Variants in LY86 observed in about 807,000 individuals in gnomAD.
The protein encoded by LY86 is lymphocyte antigen 86, also known as MD-1, RP105-associated.
Under a neutral mutation model 17.3 loss-of-function variants are expected in LY86, and 20 were observed. The observed-to-expected ratio is 1.15, with a 90% CI of 0.81 to 1.68. LY86 has a LOEUF of 1.68. Among genes scored for constraint, LY86 ranks in the 40% most tolerant of loss-of-function variants. LY86 has a pLI of 0.00. For missense variants in LY86, 200 were observed against 191.9 expected, an observed-to-expected ratio of 1.04 and a Z score of -0.25; for synonymous variants, 74 against 70.6, an observed-to-expected ratio of 1.05 and a Z score of -0.24.
intron 1 of LY86, among the ~76,000 whole-genome samples, chr6:6,597,746 TCAG>T (rs1348818136): frequency 1.3e-5 from 2 of 152,228 alleles, no homozygotes; most frequent in African/African-American, 4.8e-5. Flanking sequence ...CTCCCTGCCC[TCAG>T]CAGAAGTGAG....
intron 1 of LY86, among the ~76,000 whole-genome samples, chr6:6,624,194 A>C (rs1022962444): frequency 1.3e-5 from 2 of 152,200 alleles, no homozygotes; most frequent in African/African-American, 4.8e-5. Flanking sequence ...TGTGATGTGG[A>C]GGATGGAAGT....
chr6:6,632,822 C>T (rs1229567627), intron 3 of LY86, among the ~76,000 whole-genome samples: 3 of 152,188 alleles, frequency 2.0e-5, no homozygotes, highest in Non-Finnish European at 4.4e-5. Flanking sequence ...GGGAACCTGA[C>T]ATCTATCAAA....
intron 1 of LY86, among the ~76,000 whole-genome samples, chr6:6,589,991 C>T (rs796387389): frequency 7.9e-5 from 12 of 152,004 alleles, no homozygotes; most frequent in East Asian, 5.8e-4. Context: ...CATGGTGGCA[C>T]GCGCCTGTAA....
At chr6:6,594,891 C>T (rs1248498082) in intron 1 of LY86, among the ~76,000 whole-genome samples, 1 of 152,132 alleles carries the variant, frequency 6.6e-6, no homozygotes, top group East Asian at 1.9e-4. Context: ...AAGTAATATA[C>T]CTGAGCCATG....
At chr6:6,588,892 A>G in intron 1 of LY86, 22 bp downstream of exon 1, 1 of 1,606,220 alleles carries the variant, frequency 6.2e-7, no homozygotes. Flanking sequence ...CAGTACACCC[A>G]TGTGTGTTTA....
At chr6:6,595,211 G>A (rs1760661199) in intron 1 of LY86, among the ~76,000 whole-genome samples, 1 of 150,734 alleles carries the variant, frequency 6.6e-6, no homozygotes, top group South Asian at 2.1e-4. Flanking sequence ...GGAGAAAGAA[G>A]AGGAAGGGGA....
At chr6:6,612,324 G>A (rs1476733544) in intron 1 of LY86, among the ~76,000 whole-genome samples, 4 of 152,188 alleles carry the variant, frequency 2.6e-5, no homozygotes, top group African/African-American at 4.8e-5. Context: ...GCGTGAAACT[G>A]CAGACCCTCG....
intron 1 of LY86, among the ~76,000 whole-genome samples, chr6:6,603,794 C>T (rs1041679958): frequency 6.6e-6 from 1 of 151,680 alleles, no homozygotes; most frequent in Non-Finnish European, 1.5e-5. Context: ...GTTGATCCCT[C>T]CATGAAGCTA....
chr6:6,636,035 G>A lies in LY86; in HGVS notation c.352+9614G>A, dbSNP rs543521612. Among the ~76,000 whole-genome samples, 14 of 152,340 alleles carry A rather than the reference G, an allele frequency of 9.2e-5. No individual in the cohort carries two copies. The South Asian group carries it at 2.9e-3, about 32-fold the overall frequency. On this transcript the variant is annotated intron_variant, in intron 3 of 4. Coordinates refer to ENST00000230568, the MANE Select transcript of LY86 (RefSeq NM_004271.4). ...TGAGCAGGCATCAGCATCACCCGGA[G>A]CCCAGGTTCAACCACAGTTGCTGGA...
intron 1 of LY86, among the ~76,000 whole-genome samples, chr6:6,612,278 T>G (rs1561783246): frequency 6.6e-6 from 1 of 152,228 alleles, no homozygotes; most frequent in Non-Finnish European, 1.5e-5. Flanking sequence ...TGTTCTGAGT[T>G]TCTTTCTCGT....
At chr6:6,603,003 G>A (rs982689067) in intron 1 of LY86, among the ~76,000 whole-genome samples, 5 of 152,126 alleles carry the variant, frequency 3.3e-5, no homozygotes, top group South Asian at 2.1e-4. Context: ...AGTTCTAGAG[G>A]CCAGGGAGTC....
chr6:6,618,666 C>T (rs891368131), intron 1 of LY86, among the ~76,000 whole-genome samples: 21 of 152,216 alleles, frequency 1.4e-4, no homozygotes, highest in African/African-American at 4.1e-4. Context: ...TTGAACACAC[C>T]GTTTACATAT....
Position 6,654,684 on chromosome 6 carries a change from T to C in LY86, c.*57T>C, listed in dbSNP as rs1239275086. On this transcript the variant is annotated 3_prime_UTR_variant, in exon 5 of 5. Transcript: ENST00000230568. Reference sequence around the variant, plus strand: ...GCATCTCGTGGGACCTCCAAGCTCCTCTGACTGAACCTACTGTGGGAGGAG... The same window carrying C: ...GCATCTCGTGGGACCTCCAAGCTCCCCTGACTGAACCTACTGTGGGAGGAG... 1.4e-6 allele frequency: 2 copies of C among 1,445,286 alleles called. No individual in the cohort carries two copies. The highest frequency in any genetic ancestry group is 2.8e-5 in the African/African-American group (2 of 71,438). 89.5% of individuals were successfully genotyped at this position (1,445,286 alleles called of 1,614,324 possible).
In LY86 at chr6:6,616,119, T is replaced by G. The variant is rs577512567; in HGVS notation, c.137-8807T>G. On this transcript the variant is annotated intron_variant, in intron 1 of 4. Coordinates refer to ENST00000230568, the MANE Select transcript of LY86 (RefSeq NM_004271.4). Reference sequence around the variant, plus strand: ...TTTTTCTTAATTCCTAATAAAACACTTCAGTGCATTTTCCTCTATCCCAGT... The same window carrying G: ...TTTTTCTTAATTCCTAATAAAACACGTCAGTGCATTTTCCTCTATCCCAGT... Among the ~76,000 whole-genome samples, 8 of 152,334 alleles carry G rather than the reference T, an allele frequency of 5.3e-5. No homozygotes were observed. In the South Asian group the frequency reaches 1.0e-3, roughly 20 times the overall value.
In LY86 at chr6:6,626,366, T is replaced by A. The variant is rs371613117; in HGVS notation, c.297T>A (p.Tyr99Ter). 1.6e-5 allele frequency: 26 copies of A among 1,613,910 alleles called. No individual in the cohort carries two copies. The highest frequency in any genetic ancestry group is 2.0e-5 in the Non-Finnish European group (24 of 1,179,992). Residue 99 changes from tyrosine to a stop codon, truncating the protein, a stop_gained, in exon 3 of 5, where the codon TAT becomes TAA. Transcript: ENST00000230568. LOFTEE classifies it high-confidence loss of function. The stretch of plus-strand genomic sequence containing the variant: ...GCTCATCTGTTTTGAATTTCTCCTA[T>A]CCCATCTGTGAGGCGGCTCTGCCCA... Reference protein sequence around the residue: ...SQGSSVLNFSYPICEAALPKF... With the variant: ...SQGSSVLNFS
At chr6:6,600,193 C>T (rs1561776357) in intron 1 of LY86, among the ~76,000 whole-genome samples, 1 of 151,960 alleles carries the variant, frequency 6.6e-6, no homozygotes, top group Non-Finnish European at 1.5e-5. Flanking sequence ...AAAGCAAGAG[C>T]TTGTTTAGGG....
intron 3 of LY86, among the ~76,000 whole-genome samples, chr6:6,637,157 C>A (rs993563295): frequency 1.3e-5 from 2 of 152,002 alleles, no homozygotes; most frequent in Non-Finnish European, 2.9e-5. Flanking sequence ...GGACTAGAGG[C>A]GCCCGCCATC....
At chr6:6,646,615 T>G (rs1762111813) in intron 3 of LY86, among the ~76,000 whole-genome samples, 1 of 152,134 alleles carries the variant, frequency 6.6e-6, no homozygotes, top group African/African-American at 2.4e-5. Context: ...TCCTGCCAGC[T>G]CACCAATTCT....
At chr6:6,626,679 A>G (rs1761794520) in intron 3 of LY86, among the ~76,000 whole-genome samples, 1 of 152,242 alleles carries the variant, frequency 6.6e-6, no homozygotes, top group Non-Finnish European at 1.5e-5. Context: ...TGTTACTGTG[A>G]GTAGCAGCAT....
Sources: allele counts gnomAD v4.1 joint callset (sites outside exome capture counted in the v4.1 genomes callset), GRCh38; gene constraint gnomAD v4.1.1; transcripts MANE v1.5; gene names NCBI Gene and HGNC (gene_info 2026-07-23, HGNC 2026-07-21).